FUT9: variants seen among roughly 807,000 people sequenced by gnomAD.
FUT9 encodes 4-galactosyl-N-acetylglucosaminide 3-alpha-L-fucosyltransferase 9.
Under a neutral mutation model 29.7 loss-of-function variants are expected in FUT9, and 15 were observed. The observed-to-expected ratio is 0.51, with a 90% CI of 0.34 to 0.78. FUT9 has a LOEUF of 0.78. FUT9 is among the 30% of genes least tolerant of loss of function. The pLI is 0.01. For synonymous variants in FUT9, 169 were observed against 153.7 expected (o/e 1.10, Z -0.74); for missense variants, 319 against 425.4 (o/e 0.75, Z 2.20).
intron 1 of FUT9, among the ~76,000 whole-genome samples, chr6:96,070,867 T>C (rs1771048062): frequency 6.6e-6 from 1 of 152,198 alleles, no homozygotes; most frequent in East Asian, 1.9e-4. Flanking sequence ...TCTTGGGATC[T>C]GAATTATGCA....
intron 2 of FUT9, among the ~76,000 whole-genome samples, chr6:96,195,711 G>A (rs764722843): frequency 5.3e-5 from 8 of 152,194 alleles, no homozygotes; most frequent in South Asian, 4.1e-4. Flanking sequence ...AATCTTGCAC[G>A]TGTTCTTAGC....
chr6:96,043,145 G>A (rs1369501159), intron 1 of FUT9, among the ~76,000 whole-genome samples: 7 of 151,832 alleles, frequency 4.6e-5, no homozygotes, highest in Admixed American at 1.3e-4. Context: ...TCCGCCTCCC[G>A]GGTTCATGCC....
chr6:96,118,359 C>T (rs1429495292), intron 2 of FUT9, among the ~76,000 whole-genome samples: 1 of 151,792 alleles, frequency 6.6e-6, no homozygotes, highest in Non-Finnish European at 1.5e-5. Flanking sequence ...CACTGCATAA[C>T]ATTGCAGGCA....
chr6:96,195,973 C>G (rs1272838244), intron 2 of FUT9, among the ~76,000 whole-genome samples: 1 of 152,062 alleles, frequency 6.6e-6, no homozygotes, highest in Non-Finnish European at 1.5e-5. Flanking sequence ...AAAGAGATTT[C>G]TTTGTATTTT....
Position 96,213,439 on chromosome 6 carries a change from T to G in FUT9, c.*9204T>G, listed in dbSNP as rs6571135. ...ATTGTAAGGGTCAGTAATCCATAAA[T>G]TATTTGGATGGTAATTGTATGTTTT... On this transcript the variant is annotated 3_prime_UTR_variant, in exon 3 of 3. Transcript: ENST00000302103. The G allele has an allele frequency of 1.2e-5, 2 of 166,884 alleles. No homozygotes were observed. Among genetic ancestry groups the G allele is most frequent in the African/African-American group, 4.8e-5 (2 of 41,454 alleles). 10.3% of individuals were successfully genotyped at this position (166,884 alleles called of 1,614,324 possible).
intron 2 of FUT9, among the ~76,000 whole-genome samples, chr6:96,180,089 G>A (rs1321671001): frequency 6.6e-6 from 1 of 152,056 alleles, no homozygotes; most frequent in African/African-American, 2.4e-5. Context: ...GAAATGCAAA[G>A]TTTATTATTG....
intron 1 of FUT9, among the ~76,000 whole-genome samples, chr6:96,059,956 T>A (rs1237924510): frequency 6.6e-6 from 1 of 152,184 alleles, no homozygotes; most frequent in Non-Finnish European, 1.5e-5. Context: ...ATTTTTATAG[T>A]CTCATAGCTC....
At chr6:96,157,502 G>C (rs1052336275) in intron 2 of FUT9, among the ~76,000 whole-genome samples, 2 of 152,100 alleles carry the variant, frequency 1.3e-5, no homozygotes, top group Admixed American at 1.3e-4. Flanking sequence ...ATTTGGGAGT[G>C]TTTATTTTAG....
At chr6:96,144,431 A>T (rs1246582312) in intron 2 of FUT9, among the ~76,000 whole-genome samples, 1 of 152,212 alleles carries the variant, frequency 6.6e-6, no homozygotes, top group East Asian at 1.9e-4. Context: ...AGGAGTGAAG[A>T]TATAATTAGA....
rs1438241540 is a variant in FUT9, at chr6:96,206,522, G to C, written c.*2287G>C. Reference sequence around the variant, plus strand: ...CTGTCGCCCAGGCCGGAGTGCAGTGGTGCAGTCTCGGCTCACTGCAACCTC... The same window carrying C: ...CTGTCGCCCAGGCCGGAGTGCAGTGCTGCAGTCTCGGCTCACTGCAACCTC... On this transcript the variant is annotated 3_prime_UTR_variant, in exon 3 of 3. Transcript: ENST00000302103. 6.0e-6 allele frequency: 1 copy of C among 166,772 alleles called. No homozygotes were observed. The highest frequency in any genetic ancestry group is 1.5e-5 in the Non-Finnish European group (1 of 68,188). 10.3% of individuals were successfully genotyped at this position (166,772 alleles called of 1,614,324 possible).
chr6:96,159,069 T>C (rs1772845427), intron 2 of FUT9, among the ~76,000 whole-genome samples: 1 of 152,234 alleles, frequency 6.6e-6, no homozygotes, highest in Non-Finnish European at 1.5e-5. Flanking sequence ...TAATAATGCT[T>C]CTTCTATTAG....
At chr6:96,191,474 A>C (rs1467812036) in intron 2 of FUT9, among the ~76,000 whole-genome samples, 5 of 152,208 alleles carry the variant, frequency 3.3e-5, no homozygotes, top group Non-Finnish European at 7.3e-5. Flanking sequence ...TAAACTAGAA[A>C]ATCTAGAAGA....
At chr6:96,184,963 T>C (rs1156324544) in intron 2 of FUT9, among the ~76,000 whole-genome samples, 1 of 152,028 alleles carries the variant, frequency 6.6e-6, no homozygotes, top group East Asian at 1.9e-4. Context: ...AGCTCATAGA[T>C]AGAAATGCTT....
chr6:96,179,338 G>A (rs1243218521), intron 2 of FUT9, among the ~76,000 whole-genome samples: 1 of 152,014 alleles, frequency 6.6e-6, no homozygotes, highest in East Asian at 1.9e-4. Flanking sequence ...AACAAATTTG[G>A]TTCATGCCTC....
At chr6:96,083,879 C>T (rs1374336280) in intron 1 of FUT9, among the ~76,000 whole-genome samples, 1 of 151,994 alleles carries the variant, frequency 6.6e-6, no homozygotes, top group African/African-American at 2.4e-5. Context: ...TTCATCTATT[C>T]TTGATGACTA....
At chr6:96,157,763 T>G (rs1772813090) in intron 2 of FUT9, among the ~76,000 whole-genome samples, 1 of 152,172 alleles carries the variant, frequency 6.6e-6, no homozygotes, top group Non-Finnish European at 1.5e-5. Context: ...AATTATAATT[T>G]GAATCAATAT....
At chr6:96,030,591 CA>C (rs1770244731) in intron 1 of FUT9, among the ~76,000 whole-genome samples, 1 of 151,384 alleles carries the variant, frequency 6.6e-6, no homozygotes, top group African/African-American at 2.4e-5. Flanking sequence ...GTTAAAAATA[CA>C]AATATCATAT....
intron 1 of FUT9, among the ~76,000 whole-genome samples, chr6:96,102,520 T>C (rs764293867): frequency 1.3e-5 from 2 of 152,054 alleles, no homozygotes; most frequent in African/African-American, 4.8e-5. Context: ...AGAGGTGTTA[T>C]AAATTTTTTC....
intron 2 of FUT9, among the ~76,000 whole-genome samples, chr6:96,161,137 C>T (rs1178466774): frequency 6.6e-6 from 1 of 152,142 alleles, no homozygotes; most frequent in Non-Finnish European, 1.5e-5. Context: ...TTGCTATCAT[C>T]TGAATGTTTA....
Sources: gnomAD v4.1 joint callset for allele counts (sites outside exome capture counted in the v4.1 genomes callset) on GRCh38, gnomAD v4.1.1 for gene constraint, MANE v1.5 for transcripts, NCBI Gene and HGNC (gene_info 2026-07-23, HGNC 2026-07-21) for gene names.